Variants in SLC35D4 observed in about 807,000 individuals in gnomAD.
The protein encoded by SLC35D4 is solute carrier family 35 member D4.
chr18:23,240,200 C>T, the SLC35D4 span, among the ~76,000 whole-genome samples: 3 of 152,114 alleles, frequency 2.0e-5, no homozygotes, highest in South Asian at 6.2e-4. Flanking sequence ...AGGAAGACTT[C>T]CCCGAGGAAT....
chr18:23,357,446 C>T, the SLC35D4 span, among the ~76,000 whole-genome samples: 1 of 152,172 alleles, frequency 6.6e-6, no homozygotes, highest in Non-Finnish European at 1.5e-5. Context: ...CCAAAAATGT[C>T]CGGAGAAAAG....
At chr18:23,304,153 T>TG in the SLC35D4 span, among the ~76,000 whole-genome samples, 1 of 150,480 alleles carries the variant, frequency 6.6e-6, no homozygotes, top group Non-Finnish European at 1.5e-5. Flanking sequence ...GGCGGGCACC[T>TG]GTGGTCCCAG....
the SLC35D4 span, among the ~76,000 whole-genome samples, chr18:23,324,867 A>G: frequency 3.3e-5 from 5 of 152,174 alleles, no homozygotes; most frequent in African/African-American, 9.7e-5. Context: ...CCAAAGGAAA[A>G]CCGAAGAGAG....
At chr18:23,317,142 C>T in the SLC35D4 span, among the ~76,000 whole-genome samples, 1 of 127,828 alleles carries the variant, frequency 7.8e-6, no homozygotes, top group South Asian at 2.7e-4. Flanking sequence ...CATCCAAAAT[C>T]CTGGGAGAAG....
chr18:23,433,499 A>C, the SLC35D4 span, among the ~76,000 whole-genome samples: 1 of 152,218 alleles, frequency 6.6e-6, no homozygotes, highest in Non-Finnish European at 1.5e-5. Flanking sequence ...GAGGGGAAGA[A>C]GGACAGCTGG....
chr18:23,394,432 G>A, the SLC35D4 span, among the ~76,000 whole-genome samples: 1 of 152,100 alleles, frequency 6.6e-6, no homozygotes, highest in Non-Finnish European at 1.5e-5. Flanking sequence ...AGTTTTATGA[G>A]TTCTCTATAT....
the SLC35D4 span, among the ~76,000 whole-genome samples, chr18:23,332,006 C>G: frequency 2.0e-5 from 3 of 151,224 alleles, no homozygotes; most frequent in African/African-American, 7.3e-5. Flanking sequence ...CCACTTCAGC[C>G]TCTCAAAGAG....
chr18:23,298,275 G>A, the SLC35D4 span, among the ~76,000 whole-genome samples: 1 of 152,240 alleles, frequency 6.6e-6, no homozygotes, highest in South Asian at 2.1e-4. Context: ...TGAGAAGGCA[G>A]GGAGGCGGGC....
chr18:23,391,943 T>C, the SLC35D4 span, among the ~76,000 whole-genome samples: 2 of 143,992 alleles, frequency 1.4e-5, no homozygotes, highest in East Asian at 2.2e-4. Flanking sequence ...TTTCTTCTTC[T>C]TTTTTTTTTT....
At chr18:23,271,680 G>A in the SLC35D4 span, among the ~76,000 whole-genome samples, 1 of 152,124 alleles carries the variant, frequency 6.6e-6, no homozygotes, top group African/African-American at 2.4e-5. Flanking sequence ...TGGGGGCTTG[G>A]AAAGATCAAG....
the SLC35D4 span, chr18:23,371,597 G>A: frequency 1.1e-5 from 7 of 630,564 alleles, no homozygotes; most frequent in Non-Finnish European, 1.8e-5. Flanking sequence ...AGGACTCCTG[G>A]GGCCGTACAT....
the SLC35D4 span, among the ~76,000 whole-genome samples, chr18:23,288,314 A>G: frequency 6.6e-6 from 1 of 152,224 alleles, no homozygotes; most frequent in African/African-American, 2.4e-5. Context: ...ACAAGCCACT[A>G]GCCCGCCTCT....
chr18:23,297,679 A>G, the SLC35D4 span: 6 of 299,986 alleles, frequency 2.0e-5, 1 homozygote, highest in Non-Finnish European at 3.2e-5. Context: ...GAGCCAGCCC[A>G]TGAAATCCTG....
the SLC35D4 span, among the ~76,000 whole-genome samples, chr18:23,322,230 G>A: frequency 6.6e-6 from 1 of 152,198 alleles, no homozygotes; most frequent in Non-Finnish European, 1.5e-5. Flanking sequence ...ACGTGTTGTG[G>A]TTTAGGGAGG....
chr18:23,380,751 C>T, the SLC35D4 span, among the ~76,000 whole-genome samples: 1 of 152,056 alleles, frequency 6.6e-6, no homozygotes, highest in African/African-American at 2.4e-5. Context: ...ATTAATTCCT[C>T]GAGCCACGTA....
the SLC35D4 span, among the ~76,000 whole-genome samples, chr18:23,288,347 A>G: frequency 2.6e-5 from 4 of 152,216 alleles, no homozygotes; most frequent in South Asian, 8.3e-4. Context: ...TTTCCTTTCC[A>G]TCGTGGAAAT....
the SLC35D4 span, among the ~76,000 whole-genome samples, chr18:23,375,601 A>C: frequency 6.6e-6 from 1 of 152,198 alleles, no homozygotes; most frequent in South Asian, 2.1e-4. Context: ...TATACATACT[A>C]AAATATTTAC....
At chr18:23,267,578 A>T in the SLC35D4 span, among the ~76,000 whole-genome samples, 1 of 151,522 alleles carries the variant, frequency 6.6e-6, no homozygotes, top group African/African-American at 2.4e-5. Flanking sequence ...TGCCTCTGTC[A>T]TGGCTCTCCG....
the SLC35D4 span, among the ~76,000 whole-genome samples, chr18:23,431,680 C>T: frequency 8.6e-5 from 13 of 151,902 alleles, no homozygotes; most frequent in African/African-American, 2.9e-4. Context: ...TAGCATGTTA[C>T]GGACTTTTTT....
Sources: allele counts gnomAD v4.1 joint callset (sites outside exome capture counted in the v4.1 genomes callset), GRCh38; gene constraint gnomAD v4.1.1; transcripts MANE v1.5; gene names NCBI Gene and HGNC (gene_info 2026-07-23, HGNC 2026-07-21).